The following EEF1G variants were observed in gnomAD, a reference collection of about 807,000 sequenced individuals.
EEF1G encodes eukaryotic translation elongation factor 1 gamma, also known as elongation factor 1-gamma.
EEF1G carries 14 observed loss-of-function variants against 58.3 expected under a neutral mutation model. The ratio of observed to expected loss-of-function variants is 0.24; its 90% CI spans 0.16 to 0.38. The LOEUF (loss-of-function observed/expected upper bound fraction) is 0.38, where lower values mean the gene tolerates loss of function less well. Ranked by LOEUF, EEF1G falls within the 10% of genes least tolerant of loss-of-function variation. EEF1G has a pLI of 1.00. For missense variants in EEF1G, 322 were observed against 550.1 expected, an observed-to-expected ratio of 0.59 and a Z score of 4.15; for synonymous variants, 180 against 206.8, an observed-to-expected ratio of 0.87 and a Z score of 1.11.
intron 5 of EEF1G, 105 bp from the exon 6 acceptor site, chr11:62,567,633 T>G: frequency 8.5e-7 from 1 of 1,180,808 alleles, no homozygotes; most frequent in Non-Finnish European, 1.1e-6. Flanking sequence ...TCACCTTCTT[T>G]TCAAACCCTA....
At chr11:62,570,252 G>C (rs1168508421) in intron 5 of EEF1G, among the ~76,000 whole-genome samples, 3 of 152,040 alleles carry the variant, frequency 2.0e-5, no homozygotes, top group Non-Finnish European at 4.4e-5. Flanking sequence ...AATAGAGACA[G>C]GGTTTCGCCA....
chr11:62,564,866 G>A (rs1314143203), intron 7 of EEF1G, among the ~76,000 whole-genome samples: 2 of 150,992 alleles, frequency 1.3e-5, no homozygotes, highest in African/African-American at 4.9e-5. Context: ...AAGAGATTGA[G>A]ACCATCCTAG....
chr11:62,568,214 T>A (rs1323384287), intron 5 of EEF1G, among the ~76,000 whole-genome samples: 10 of 146,850 alleles, frequency 6.8e-5, no homozygotes, highest in Non-Finnish European at 1.2e-4. Context: ...GGTGACAGAG[T>A]GACTCTGTCT....
chr11:62,561,384 G>GA (rs376125388), intron 7 of EEF1G, among the ~76,000 whole-genome samples: 8 of 146,802 alleles, frequency 5.4e-5, no homozygotes, highest in African/African-American at 2.0e-4. Flanking sequence ...TGTCTGGGGG[G>GA]AAAAAAAAGG....
In EEF1G at chr11:62,560,421, G is replaced by T; in HGVS notation, c.891C>A (p.Tyr297Ter). The T allele has an allele frequency of 6.2e-7, 1 of 1,610,288 alleles. No individual in the cohort carries two copies. The highest frequency in any genetic ancestry group is 8.5e-7 in the Non-Finnish European group (1 of 1,178,134). The stretch of plus-strand genomic sequence containing the variant: ...CCACAGAGAGTGTGTCCTCATTGGA[G>T]TACTTGCGCTTAAATTCATCCAACA... Reference protein sequence around the residue: ...TFVLDEFKRKYSNEDTLSVAL... With the variant: ...TFVLDEFKRK The change falls in exon 8 of 10, where the codon TAC becomes TAA. Residue 297 changes from tyrosine (Y) to a stop codon, truncating the protein, a stop_gained. Coordinates refer to ENST00000329251, the MANE Select transcript of EEF1G (RefSeq NM_001404.5). LOFTEE classifies it high-confidence loss of function.
At chr11:62,570,331 G>A (rs896549484) in intron 5 of EEF1G, among the ~76,000 whole-genome samples, 4 of 152,060 alleles carry the variant, frequency 2.6e-5, no homozygotes, top group Non-Finnish European at 5.9e-5. Flanking sequence ...CAAAGTGCTG[G>A]GATTATAGGT....
chr11:62,571,137 A>G, intron 4 of EEF1G, 29 bp from the exon 5 acceptor site: 1 of 1,613,744 alleles, frequency 6.2e-7, no homozygotes, highest in Non-Finnish European at 8.5e-7. Flanking sequence ...AAAACTCATC[A>G]GTGGGTACCA....
intron 7 of EEF1G, among the ~76,000 whole-genome samples, chr11:62,566,274 G>A (rs145321343): frequency 4.1e-4 from 62 of 152,222 alleles, no homozygotes; most frequent in African/African-American, 1.3e-3. Flanking sequence ...GACTTTACTC[G>A]GTTGTGGAAC....
Position 62,573,605 on chromosome 11 carries a change from A to G in EEF1G, c.12+226T>C, listed in dbSNP as rs1941664804. 4.7e-6 allele frequency: 3 copies of G among 640,062 alleles called. No individual in the cohort carries two copies. In the East Asian group the frequency reaches 8.3e-5, roughly 18 times the overall value. 39.6% of individuals were successfully genotyped at this position (640,062 alleles called of 1,614,324 possible). On this transcript the variant is annotated intron_variant, in intron 1 of 9. Coordinates refer to ENST00000329251, the MANE Select transcript of EEF1G (RefSeq NM_001404.5). ...AGGCTTCGGACGGCCCAGACCCGGC[A>G]TCTCTTTTCTCCTCTTCCCCAGACC...
intron 7 of EEF1G, 144 bp downstream of exon 7, chr11:62,566,662 G>T: frequency 1.3e-6 from 1 of 790,922 alleles, no homozygotes; most frequent in East Asian, 2.7e-5. Flanking sequence ...CAGCCAGAAA[G>T]CTGCTTTATT....
chr11:62,563,980 A>G (rs1014745767), intron 7 of EEF1G, among the ~76,000 whole-genome samples: 1 of 151,970 alleles, frequency 6.6e-6, no homozygotes, highest in African/African-American at 2.4e-5. Context: ...TTGCTCAGTC[A>G]CCCAAGTGCA....
At chr11:62,565,123 A>G (rs536850232) in intron 7 of EEF1G, among the ~76,000 whole-genome samples, 1 of 151,714 alleles carries the variant, frequency 6.6e-6, no homozygotes, top group East Asian at 1.9e-4. Flanking sequence ...AGCCAGGTAC[A>G]GTGGCTCACA....
chr11:62,565,401 T>A (rs906718547), intron 7 of EEF1G, among the ~76,000 whole-genome samples: 1 of 151,736 alleles, frequency 6.6e-6, no homozygotes, highest in African/African-American at 2.4e-5. Context: ...AAAAAAACCT[T>A]GGGGAAAGCA....
At position 62,570,986 on chromosome 11, in the gene EEF1G, G is replaced by C. The variant is rs748115739; in HGVS notation, c.501C>G (p.Thr167=). 4.3e-6 allele frequency: 7 copies of C among 1,613,778 alleles called. No homozygotes were observed. The Admixed American group carries it at 6.7e-5, about 15-fold the overall frequency. The change falls in exon 5 of 10, where the codon ACC becomes ACG. Residue 167 remains threonine, a synonymous_variant. Coordinates refer to ENST00000329251, the MANE Select transcript of EEF1G (RefSeq NM_001404.5). ...VTLADITVVC[T]LLWLYKQVLE... Reference sequence around the variant, plus strand: ...TCACCTGCTTATAGAGCCACAACAGGGTGCAGACAACTGTGATGTCAGCCA... The same window carrying C: ...TCACCTGCTTATAGAGCCACAACAGCGTGCAGACAACTGTGATGTCAGCCA...
chr11:62,569,081 A>ACACT (rs899803684), intron 5 of EEF1G, among the ~76,000 whole-genome samples: 3 of 141,568 alleles, frequency 2.1e-5, no homozygotes, highest in Admixed American at 1.4e-4. Flanking sequence ...TACTATACAC[A>ACACT]CACGCACACA....
rs1941478771 is a variant in EEF1G, at chr11:62,560,203, C to A, written c.1031-10G>T. 1 of 1,614,046 alleles carries A rather than the reference C, an allele frequency of 6.2e-7. No individual in the cohort carries two copies. Among genetic ancestry groups the A allele is most frequent in the African/African-American group, 1.3e-5 (1 of 75,052 alleles). ...AGTCGCTGGAACATTCCTGAAGCGG[C>A]AAGGGAGAACATTCAGCCTTTGGAA... is the stretch of plus-strand genomic sequence containing the variant. On this transcript the variant is annotated splice_polypyrimidine_tract_variant and intron_variant, in intron 8 of 9. Coordinates refer to ENST00000329251, the MANE Select transcript of EEF1G (RefSeq NM_001404.5).
At position 62,566,767 on chromosome 11, in the gene EEF1G, TTCTTTGGTCCCACACCCTCC is replaced by T; in HGVS notation, c.857+19_857+38del. 1.2e-6 allele frequency: 2 copies of T among 1,601,922 alleles called. No homozygotes were observed. The highest frequency in any genetic ancestry group is 1.7e-6 in the Non-Finnish European group (2 of 1,170,244). On this transcript the variant is annotated intron_variant, in intron 7 of 9. Transcript: ENST00000329251. Reference sequence around the variant, plus strand: ...GGACATACAGAGGTGAGAACAGGCCTTCTTTGGTCCCACACCCTCCACCCTCCAATATCCTTACCTCTTGG... The same window carrying T: ...GGACATACAGAGGTGAGAACAGGCCTACCCTCCAATATCCTTACCTCTTGG...
chr11:62,571,688 G>A lies in EEF1G; in HGVS notation c.236-6C>T, dbSNP rs1053942929. Reference sequence around the variant, plus strand: ...CCGCAGCTCCTCATTGCTCACTGCAGAGGCAGAACACGAAGGTCAGAACTC... The same window carrying A: ...CCGCAGCTCCTCATTGCTCACTGCAAAGGCAGAACACGAAGGTCAGAACTC... On this transcript the variant is annotated splice_region_variant and splice_polypyrimidine_tract_variant and intron_variant, in intron 3 of 9. Transcript: ENST00000329251. 1.9e-6 allele frequency: 3 copies of A among 1,585,316 alleles called. No homozygotes were observed. Among genetic ancestry groups the A allele is most frequent in the Non-Finnish European group, 2.6e-6 (3 of 1,165,948 alleles).
At chr11:62,572,880 A>G (rs922541209) in intron 1 of EEF1G, 138 bp from the exon 2 acceptor site, 69 of 726,206 alleles carry the variant, frequency 9.5e-5, no homozygotes, top group Non-Finnish European at 6.5e-5. Flanking sequence ...CAAGTCCTTT[A>G]GTACTTGTCA....
Sources: allele counts gnomAD v4.1 joint callset (sites outside exome capture counted in the v4.1 genomes callset), GRCh38; gene constraint gnomAD v4.1.1; transcripts MANE v1.5; gene names NCBI Gene and HGNC (gene_info 2026-07-23, HGNC 2026-07-21).